The following MMP16 variants were observed in gnomAD, a reference collection of about 807,000 sequenced individuals.
The protein encoded by MMP16 is matrix metallopeptidase 16.
In MMP16, 12 loss-of-function variants were observed where a neutral mutation model predicts 67.8. The ratio of observed to expected loss-of-function variants is 0.18; its 90% CI spans 0.11 to 0.29. The LOEUF (loss-of-function observed/expected upper bound fraction) is 0.29, where lower values mean the gene tolerates loss of function less well. MMP16 is among the 10% of genes least tolerant of loss of function. MMP16 has a pLI of 1.00. For missense variants in MMP16, 475 were observed against 765.7 expected (o/e 0.62, Z 4.48); for synonymous variants, 249 against 255.9 (o/e 0.97, Z 0.26).
At chr8:88,251,316 CAG>C (rs1229058602) in intron 1 of MMP16, among the ~76,000 whole-genome samples, 1 of 151,544 alleles carries the variant, frequency 6.6e-6, no homozygotes, top group Non-Finnish European at 1.5e-5. Context: ...TGGAACAGAA[CAG>C]AGTCCTCAGA....
chr8:88,169,028 C>CA (rs1353987379), intron 3 of MMP16, among the ~76,000 whole-genome samples: 8 of 151,286 alleles, frequency 5.3e-5, no homozygotes, highest in African/African-American at 1.9e-4. Flanking sequence ...TATTTAATTA[C>CA]AAAAAAGAGG....
chr8:88,077,105 G>C (rs1165944544), intron 6 of MMP16, among the ~76,000 whole-genome samples: 1 of 152,174 alleles, frequency 6.6e-6, no homozygotes, highest in Non-Finnish European at 1.5e-5. Context: ...AATTCAGAAG[G>C]TCATGTGAAA....
At chr8:88,259,911 T>C (rs906038550) in intron 1 of MMP16, among the ~76,000 whole-genome samples, 9 of 152,330 alleles carry the variant, frequency 5.9e-5, no homozygotes, top group Admixed American at 1.3e-4. Flanking sequence ...TCTGGTAAAC[T>C]GGTGTGAATA....
At chr8:88,198,664 T>C (rs1809294213) in intron 1 of MMP16, among the ~76,000 whole-genome samples, 1 of 151,974 alleles carries the variant, frequency 6.6e-6, no homozygotes, top group African/African-American at 2.4e-5. Context: ...TTCCAAAAAC[T>C]GACCACCTCA....
Position 88,236,289 on chromosome 8 carries a change from G to T in MMP16, c.133-38983C>A, listed in dbSNP as rs918995837. Among the ~76,000 whole-genome samples the T allele has an allele frequency of 3.9e-5, 6 of 152,178 alleles. No homozygotes were observed. The East Asian group carries it at 1.2e-3, about 29-fold the overall frequency. The stretch of plus-strand genomic sequence containing the variant: ...CTACCACTTACTAGTTAAAGGTATG[G>T]CCTCAAAATCTATACTCCCTTAGGT... On this transcript the variant is annotated intron_variant, in intron 1 of 9. Transcript: ENST00000286614.
chr8:88,213,408 A>T (rs1433685570), intron 1 of MMP16, among the ~76,000 whole-genome samples: 1 of 152,184 alleles, frequency 6.6e-6, no homozygotes, highest in Non-Finnish European at 1.5e-5. Context: ...ATTCTACCGT[A>T]TTCAATATTT....
At chr8:88,313,685 A>G (rs903478917) in intron 1 of MMP16, among the ~76,000 whole-genome samples, 6 of 152,138 alleles carry the variant, frequency 3.9e-5, no homozygotes, top group Admixed American at 3.9e-4. Flanking sequence ...TGTTGTATTA[A>G]CCTGTTCTCA....
chr8:88,133,729 T>G (rs1164046154), intron 4 of MMP16, among the ~76,000 whole-genome samples: 1 of 151,946 alleles, frequency 6.6e-6, no homozygotes, highest in East Asian at 1.9e-4. Context: ...AGAACCTGAA[T>G]TAACAATGTG....
At chr8:88,274,263 G>A (rs183150104) in intron 1 of MMP16, among the ~76,000 whole-genome samples, 6 of 152,164 alleles carry the variant, frequency 3.9e-5, no homozygotes, top group Non-Finnish European at 8.8e-5. Context: ...CTTGCCTGAT[G>A]AGTACAATGA....
intron 4 of MMP16, among the ~76,000 whole-genome samples, chr8:88,127,573 A>C (rs915660240): frequency 5.3e-5 from 8 of 151,884 alleles, no homozygotes; most frequent in African/African-American, 1.9e-4. Context: ...ACCAAATTCC[A>C]TGTAAAGATC....
chr8:88,284,527 C>A (rs1443031123), intron 1 of MMP16, among the ~76,000 whole-genome samples: 1 of 151,734 alleles, frequency 6.6e-6, no homozygotes, highest in East Asian at 1.9e-4. Context: ...TAGACCTGCT[C>A]ATTCTAATTC....
chr8:88,235,851 A>G (rs1809932064), intron 1 of MMP16, among the ~76,000 whole-genome samples: 1 of 152,078 alleles, frequency 6.6e-6, no homozygotes, highest in African/African-American at 2.4e-5. Flanking sequence ...TTTTCTATAC[A>G]CATTTGTATT....
chr8:88,063,923 C>CA (rs1156391052), intron 7 of MMP16, among the ~76,000 whole-genome samples: 22 of 151,938 alleles, frequency 1.4e-4, no homozygotes, highest in Non-Finnish European at 1.5e-5. Flanking sequence ...CCTGAGTAGT[C>CA]AGATATCCTT....
In MMP16 at chr8:88,096,079, T is replaced by G. The variant is rs530981234; in HGVS notation, c.1083+20428A>C. Among the ~76,000 whole-genome samples the G allele has an allele frequency of 2.6e-5, 4 of 152,098 alleles. No homozygotes were observed. The East Asian group carries it at 7.8e-4, about 30-fold the overall frequency. ...CAGATCTACAATCCCTAATCCACAG[T>G]TCTAAAACCCAGAGAGCTTGAAAGA... On this transcript the variant is annotated intron_variant, in intron 6 of 9. Coordinates refer to ENST00000286614, the MANE Select transcript of MMP16 (RefSeq NM_005941.5).
intron 1 of MMP16, among the ~76,000 whole-genome samples, chr8:88,237,578 G>T (rs1809962218): frequency 6.6e-6 from 1 of 151,976 alleles, no homozygotes; most frequent in South Asian, 2.1e-4. Context: ...GAACCCGGGA[G>T]GCGGAGCTGG....
At chr8:88,064,519 A>G (rs1197619781) in intron 7 of MMP16, among the ~76,000 whole-genome samples, 2 of 152,040 alleles carry the variant, frequency 1.3e-5, no homozygotes, top group African/African-American at 4.8e-5. Flanking sequence ...TTCCTTTCAT[A>G]ATTTGTACAT....
chr8:88,145,632 G>A (rs1321680606), intron 4 of MMP16, among the ~76,000 whole-genome samples: 1 of 151,824 alleles, frequency 6.6e-6, no homozygotes, highest in African/African-American at 2.4e-5. Flanking sequence ...TTATTCCCTT[G>A]TTGAAAAGCA....
chr8:88,301,398 G>C (rs1241750599), intron 1 of MMP16, among the ~76,000 whole-genome samples: 1 of 152,078 alleles, frequency 6.6e-6, no homozygotes, highest in East Asian at 1.9e-4. Flanking sequence ...CTCCTTCCTG[G>C]AAGCAGGAAA....
intron 6 of MMP16, among the ~76,000 whole-genome samples, chr8:88,112,517 T>C (rs145143199): frequency 7.6e-4 from 116 of 151,918 alleles, no homozygotes; most frequent in African/African-American, 2.0e-3. Context: ...TTTTCTAGGA[T>C]AAGGACAAAG....
Sources: allele counts gnomAD v4.1 joint callset (sites outside exome capture counted in the v4.1 genomes callset), GRCh38; gene constraint gnomAD v4.1.1; transcripts MANE v1.5; gene names NCBI Gene and HGNC (gene_info 2026-07-23, HGNC 2026-07-21).